The following SULF2 variants were observed in gnomAD, a reference collection of about 807,000 sequenced individuals.
SULF2 encodes the protein sulfatase 2.
In SULF2, 52 loss-of-function variants were observed where a neutral mutation model predicts 107.7. The observed-to-expected ratio is 0.48, with a 90% CI of 0.39 to 0.61. The LOEUF is 0.61. Ranked by LOEUF, SULF2 falls within the 20% of genes least tolerant of loss-of-function variation. The pLI, the probability that SULF2 is intolerant of heterozygous loss-of-function variation, is 0.00. For synonymous variants in SULF2, 460 were observed against 464.3 expected, an observed-to-expected ratio of 0.99 and a Z score of 0.12; for missense variants, 993 against 1,177.3, an observed-to-expected ratio of 0.84 and a Z score of 2.29.
At chr20:47,784,929 G>C (rs1181219784) in intron 1 of SULF2, among the ~76,000 whole-genome samples, 2 of 152,150 alleles carry the variant, frequency 1.3e-5, no homozygotes, top group Non-Finnish European at 2.9e-5. Context: ...GCCCGGACAA[G>C]CCCCACGTGG....
chr20:47,746,267 T>C (rs1042871335), intron 2 of SULF2, among the ~76,000 whole-genome samples: 1 of 152,196 alleles, frequency 6.6e-6, no homozygotes, highest in Admixed American at 6.5e-5. Flanking sequence ...AGAACAGGCA[T>C]TCAGTGGGGA....
intron 1 of SULF2, among the ~76,000 whole-genome samples, chr20:47,767,908 C>CAACAA (rs2090556467): frequency 7.1e-6 from 1 of 140,028 alleles, no homozygotes; most frequent in African/African-American, 2.6e-5. Context: ...GACTCTGTCT[C>CAACAA]AAAAAAAAAA....
chr20:47,713,638 A>T (rs1479374030), intron 3 of SULF2, among the ~76,000 whole-genome samples: 3 of 152,010 alleles, frequency 2.0e-5, no homozygotes, highest in Admixed American at 2.0e-4. Flanking sequence ...TAATCCAAGC[A>T]CTTTGGGAGG....
chr20:47,779,460 C>T (rs2090782999), intron 1 of SULF2, among the ~76,000 whole-genome samples: 1 of 152,200 alleles, frequency 6.6e-6, no homozygotes, highest in African/African-American at 2.4e-5. Context: ...CGGTCCAAGC[C>T]ACTCTCGGGC....
In SULF2 at chr20:47,678,388, G is replaced by A; in HGVS notation, c.1193+288C>T. On this transcript the variant is annotated intron_variant, in intron 8 of 20. Transcript: ENST00000688720. The surrounding 1 kb of genome is among the most constrained non-coding windows in gnomAD (Gnocchi z 4.5). The stretch of plus-strand genomic sequence containing the variant: ...CTCACACACAAGCGCCGTGCAGTTA[G>A]CACCATCTCCTACCATCACTGCTGC... 1 of 390,212 alleles carries A rather than the reference G, an allele frequency of 2.6e-6. No individual in the cohort carries two copies. The highest frequency in any genetic ancestry group is 4.8e-6 in the Non-Finnish European group (1 of 206,302). 24.2% of individuals were successfully genotyped at this position (390,212 alleles called of 1,614,324 possible).
intron 3 of SULF2, among the ~76,000 whole-genome samples, chr20:47,713,661 G>A (rs1484198594): frequency 6.6e-6 from 1 of 151,806 alleles, no homozygotes; most frequent in East Asian, 1.9e-4. Flanking sequence ...AAAGTAGGAG[G>A]ATCACTTGAG....
intron 3 of SULF2, among the ~76,000 whole-genome samples, chr20:47,710,440 T>C (rs140494787): frequency 2.8e-4 from 42 of 151,938 alleles, no homozygotes; most frequent in African/African-American, 1.0e-3. Flanking sequence ...TCACATGCTG[T>C]AGGGGGGTTT....
At chr20:47,775,409 A>G (rs1369766842) in intron 1 of SULF2, among the ~76,000 whole-genome samples, 2 of 152,194 alleles carry the variant, frequency 1.3e-5, no homozygotes, top group East Asian at 1.9e-4. Context: ...CTGCCAGCTG[A>G]TATCACATGA....
At chr20:47,662,852 C>CGCAGGGTGATGGAGACAAAAA (rs1555823204) in intron 17 of SULF2, among the ~76,000 whole-genome samples, 1 of 148,308 alleles carries the variant, frequency 6.7e-6, no homozygotes, top group African/African-American at 2.4e-5. Context: ...ATATTACACA[C>CGCAGGGTGATGGAGACAAAAA]GCAGGGTGAT....
At chr20:47,736,993 C>T (rs761335946) in intron 2 of SULF2, 51 bp from the exon 3 acceptor site, 2 of 1,607,926 alleles carry the variant, frequency 1.2e-6, no homozygotes, top group Admixed American at 1.7e-5. Flanking sequence ...CCGGGCGGCA[C>T]CGGCACCAGG....
intron 3 of SULF2, among the ~76,000 whole-genome samples, chr20:47,733,634 G>A (rs78540062): frequency 0.014 from 2,112 of 152,196 alleles, 50 homozygotes; most frequent in African/African-American, 0.048. Flanking sequence ...TTAGTCAGGC[G>A]TAGTGGCAGG....
intron 2 of SULF2, among the ~76,000 whole-genome samples, chr20:47,738,097 G>T (rs1252247824): frequency 6.6e-6 from 1 of 152,142 alleles, no homozygotes; most frequent in Non-Finnish European, 1.5e-5. Context: ...CACTTAGGAA[G>T]AAAGGCAAGA....
chr20:47,704,818 G>A (rs891719243), intron 3 of SULF2, among the ~76,000 whole-genome samples: 2 of 152,202 alleles, frequency 1.3e-5, no homozygotes, highest in African/African-American at 2.4e-5. Context: ...GTGCTTGGCC[G>A]AGAAGCCAGG....
chr20:47,694,512 A>G lies in SULF2; in HGVS notation c.568-4217T>C, dbSNP rs1417129071. Reference sequence around the variant, plus strand: ...GTCCACAGGCCCAGGTGCATTTTCCAGAACCCGGCGCCCAGGAGTCAGGCT... The same window carrying G: ...GTCCACAGGCCCAGGTGCATTTTCCGGAACCCGGCGCCCAGGAGTCAGGCT... On this transcript the variant is annotated intron_variant, in intron 4 of 20. Transcript: ENST00000688720. This position sits in a 1 kb window ranked among gnomAD's most constrained non-coding sequence, Gnocchi z 4.4. 1.3e-5 allele frequency among the ~76,000 whole-genome samples: 2 copies of G among 152,170 alleles called. No homozygotes were observed. Among genetic ancestry groups the G allele is most frequent in the African/African-American group, 2.4e-5 (1 of 41,432 alleles).
chr20:47,708,146 G>T (rs1347836658), intron 3 of SULF2, among the ~76,000 whole-genome samples: 1 of 152,206 alleles, frequency 6.6e-6, no homozygotes, highest in Non-Finnish European at 1.5e-5. Context: ...CTGCCCTCGT[G>T]CAGTTGATGT....
intron 3 of SULF2, among the ~76,000 whole-genome samples, chr20:47,703,149 TC>T (rs1167235551): frequency 6.6e-6 from 1 of 152,112 alleles, no homozygotes; most frequent in Non-Finnish European, 1.5e-5. Context: ...GGTCTTGAAC[TC>T]CTGACCAAAG....
rs76101156 is a variant in SULF2, at chr20:47,695,592, T to C, written c.568-5297A>G. On this transcript the variant is annotated intron_variant, in intron 4 of 20. Coordinates refer to ENST00000688720, the MANE Select transcript of SULF2 (RefSeq NM_001387048.1). ...GCATAATGTTCTCAAGGTTCATCCA[T>C]GTTGCTGCATATGATAGGATTTCCT... 6.5e-3 allele frequency among the ~76,000 whole-genome samples: 991 copies of C among 152,318 alleles called. 9 individuals are homozygous for C. The highest frequency in any genetic ancestry group is 0.022 in the African/African-American group (905 of 41,576).
chr20:47,732,973 T>A (rs896553119), intron 3 of SULF2, among the ~76,000 whole-genome samples: 2 of 152,194 alleles, frequency 1.3e-5, no homozygotes, highest in Non-Finnish European at 2.9e-5. Flanking sequence ...ATGAACAAAT[T>A]GATATTTATC....
rs1022452268 is a variant in SULF2, at chr20:47,784,880, A to G, written c.-101+463T>C. ...TCCTTTCGGTGTCTGCGAGTTTCCAACCACTCTGAAGATCCGGCCCACTGC... is the reference window on the plus strand; with the variant it reads ...TCCTTTCGGTGTCTGCGAGTTTCCAGCCACTCTGAAGATCCGGCCCACTGC... On this transcript the variant is annotated intron_variant, in intron 1 of 20. Transcript: ENST00000688720. Among the ~76,000 whole-genome samples the G allele has an allele frequency of 7.9e-5, 12 of 152,122 alleles. No homozygotes were observed. The East Asian group carries it at 2.3e-3, about 30-fold the overall frequency.
Sources: gnomAD v4.1 joint callset for allele counts (sites outside exome capture counted in the v4.1 genomes callset) on GRCh38, gnomAD v4.1.1 for gene constraint, Gnocchi (gnomAD v3.1) non-coding constraint, MANE v1.5 for transcripts, NCBI Gene and HGNC (gene_info 2026-07-23, HGNC 2026-07-21) for gene names.